MYLK: variants seen among roughly 807,000 people sequenced by gnomAD.
MYLK encodes myosin light chain kinase, also known as myosin light chain kinase, smooth muscle.
Under a neutral mutation model 203.4 loss-of-function variants are expected in MYLK, and 106 were observed. The observed-to-expected ratio is 0.52, with a 90% confidence interval of 0.45 to 0.61. MYLK has a LOEUF of 0.61. Ranked by LOEUF, MYLK falls within the 20% of genes least tolerant of loss-of-function variation. The probability of loss-of-function intolerance (pLI) is 0.00; values close to 1 mark genes in which losing one functional copy is unlikely to be tolerated. For synonymous variants in MYLK, 867 were observed against 959.5 expected, an observed-to-expected ratio of 0.90 and a Z score of 1.78; for missense variants, 2,072 against 2,442.3, an observed-to-expected ratio of 0.85 and a Z score of 3.20.
rs1033204349 is a variant in MYLK at position 123,610,186 on chromosome 3, T to G, written c.*3919A>C. The G allele has an allele frequency of 1.3e-5, 2 of 152,232 alleles. No individual in the cohort carries two copies. The highest frequency in any genetic ancestry group is 4.8e-5 in the African/African-American group (2 of 41,470). The allele number at this position is 152,232 out of a possible 1,614,324, so 9.4% of individuals were successfully genotyped here. A position where few individuals can be genotyped will look rare whatever the true frequency, so the allele number is the denominator to read the frequency against. On this transcript the variant is annotated 3_prime_UTR_variant, in exon 34 of 34. Transcript: ENST00000360304. ...ACATGTGACTGTCGAGCATTTGAAA[T>G]GTAACTCATACAACTGAGGAACTGA... is the stretch of plus-strand genomic sequence containing the variant.
intron 8 of MYLK, among the ~76,000 whole-genome samples, chr3:123,736,649 G>A (rs1560152099): frequency 6.6e-6 from 1 of 152,158 alleles, no homozygotes; most frequent in Non-Finnish European, 1.5e-5. Flanking sequence ...AAGGAACATG[G>A]GAACCCTGGT....
intron 3 of MYLK, among the ~76,000 whole-genome samples, chr3:123,798,741 C>T (rs1449343667): frequency 2.6e-5 from 4 of 152,066 alleles, no homozygotes; most frequent in South Asian, 2.1e-4. Context: ...TACTCAACTA[C>T]CATGCGGACA....
At chr3:123,732,841 C>T in intron 11 of MYLK, 55 bp downstream of exon 11, 3 of 1,550,406 alleles carry the variant, frequency 1.9e-6, no homozygotes, top group Non-Finnish European at 1.8e-6. Context: ...GGTGAAGCAC[C>T]CCATGAATGG....
chr3:123,770,974 A>C (rs1408535556), intron 4 of MYLK, among the ~76,000 whole-genome samples: 2 of 152,236 alleles, frequency 1.3e-5, no homozygotes, highest in Non-Finnish European at 2.9e-5. Flanking sequence ...GATGTTGTCA[A>C]AAGAAGCCTT....
chr3:123,780,728 G>A (rs947751450), intron 4 of MYLK, among the ~76,000 whole-genome samples: 1 of 152,180 alleles, frequency 6.6e-6, no homozygotes, highest in East Asian at 1.9e-4. Context: ...TGACTGCAGT[G>A]CCCTAGAGTA....
chr3:123,828,269 C>T (rs56102322), intron 3 of MYLK, among the ~76,000 whole-genome samples: 17,550 of 151,940 alleles, frequency 0.12, 1,052 homozygotes, highest in Middle Eastern at 0.22. Context: ...CATAGACCAA[C>T]GGAACAAATA....
chr3:123,866,001 C>T (rs2032303184), intron 2 of MYLK, among the ~76,000 whole-genome samples: 1 of 152,166 alleles, frequency 6.6e-6, no homozygotes, highest in Non-Finnish European at 1.5e-5. Flanking sequence ...GGTATCCCAG[C>T]TGAGCCCAGC....
chr3:123,728,524 AAAC>A (rs2062371047), intron 11 of MYLK, among the ~76,000 whole-genome samples: 1 of 151,958 alleles, frequency 6.6e-6, no homozygotes, highest in South Asian at 2.1e-4. Context: ...TAAAAACAAT[AAAC>A]AACAACAAAA....
intron 29 of MYLK, among the ~76,000 whole-genome samples, chr3:123,632,805 ATTTTT>A (rs35310974): frequency 7.3e-6 from 1 of 137,018 alleles, no homozygotes; most frequent in African/African-American, 2.8e-5. Context: ...ATGTCTTTTA[ATTTTT>A]TTTTTTTTTT....
intron 23 of MYLK, among the ~76,000 whole-genome samples, chr3:123,660,780 A>G (rs1560032541): frequency 6.6e-6 from 1 of 152,200 alleles, no homozygotes; most frequent in Admixed American, 6.5e-5. Flanking sequence ...AACTGTCCGG[A>G]GCAGACCAAG....
intron 23 of MYLK, among the ~76,000 whole-genome samples, chr3:123,663,225 C>G (rs886509958): frequency 4.6e-5 from 7 of 151,866 alleles, no homozygotes; most frequent in Non-Finnish European, 8.8e-5. Flanking sequence ...GACCAGGGCA[C>G]GAAGACAGTG....
chr3:123,638,295 GC>G, intron 28 of MYLK, 101 bp from the exon 29 acceptor site: 1 of 1,535,034 alleles, frequency 6.5e-7, no homozygotes, highest in Non-Finnish European at 8.9e-7. Flanking sequence ...CCTGGGAGGG[GC>G]CAGACACAGG....
intron 4 of MYLK, among the ~76,000 whole-genome samples, chr3:123,755,222 G>A (rs540813030): frequency 1.3e-5 from 2 of 152,284 alleles, no homozygotes; most frequent in African/African-American, 2.4e-5. Flanking sequence ...CGCCAAAGGC[G>A]TCCTGGCATT....
chr3:123,858,906 G>A (rs2148683321), intron 2 of MYLK, among the ~76,000 whole-genome samples: 1 of 152,328 alleles, frequency 6.6e-6, no homozygotes, highest in African/African-American at 2.4e-5. Flanking sequence ...ATCCAGGAGA[G>A]CTGTGTGCTT....
At chr3:123,734,419 G>A (rs1227638233) in intron 9 of MYLK, 197 bp from the exon 10 acceptor site, 5 of 550,316 alleles carry the variant, frequency 9.1e-6, no homozygotes, top group East Asian at 3.1e-5. Context: ...AGCCATTCCC[G>A]ACACTTGCCT....
intron 2 of MYLK, among the ~76,000 whole-genome samples, chr3:123,848,428 T>C (rs1313638520): frequency 6.6e-6 from 1 of 152,088 alleles, no homozygotes; most frequent in Admixed American, 6.6e-5. Context: ...CAATAATTGC[T>C]TACACAATAT....
intron 3 of MYLK, among the ~76,000 whole-genome samples, chr3:123,829,296 C>T (rs993224375): frequency 7.9e-5 from 12 of 152,010 alleles, no homozygotes; most frequent in Admixed American, 3.3e-4. Flanking sequence ...TGCGGCAACA[C>T]GGATAGAACT....
chr3:123,839,874 A>C (rs1008971830), intron 2 of MYLK, among the ~76,000 whole-genome samples: 2 of 152,192 alleles, frequency 1.3e-5, no homozygotes, highest in Non-Finnish European at 2.9e-5. Context: ...AAATTAAACT[A>C]AAACTTAGTA....
chr3:123,752,125 T>C (rs988567347), intron 5 of MYLK, among the ~76,000 whole-genome samples: 1 of 152,062 alleles, frequency 6.6e-6, no homozygotes, highest in Non-Finnish European at 1.5e-5. Flanking sequence ...GATACCTAGT[T>C]TGACAAACAT....
Sources: gnomAD v4.1 joint callset for allele counts (sites outside exome capture counted in the v4.1 genomes callset) on GRCh38, gnomAD v4.1.1 for gene constraint, MANE v1.5 for transcripts, NCBI Gene and HGNC (gene_info 2026-07-23, HGNC 2026-07-21) for gene names.